The following CELF4 variants were observed in gnomAD, a reference collection of about 807,000 sequenced individuals.
The protein encoded by CELF4 is CUG-BP- and ETR-3-like factor 4.
CELF4 carries 18 observed loss-of-function variants against 59.9 expected under a neutral mutation model. The observed-to-expected ratio is 0.30, with a 90% confidence interval of 0.21 to 0.45. The LOEUF is 0.45. Among genes scored for constraint, CELF4 ranks in the 20% least tolerant of loss-of-function variants. The probability of loss-of-function intolerance (pLI) is 1.00; values close to 1 mark genes in which losing one functional copy is unlikely to be tolerated. For missense variants in CELF4, 456 were observed against 689.0 expected, an observed-to-expected ratio of 0.66 and a Z score of 3.79; for synonymous variants, 261 against 267.1, an observed-to-expected ratio of 0.98 and a Z score of 0.22.
intron 2 of CELF4, among the ~76,000 whole-genome samples, chr18:37,345,971 T>C (rs886136284): frequency 5.9e-5 from 9 of 151,970 alleles, no homozygotes; most frequent in Non-Finnish European, 1.5e-5. Flanking sequence ...TTTCCTGGAG[T>C]GGCAGCTGGG....
At chr18:37,364,789 C>T (rs2098754322) in intron 2 of CELF4, among the ~76,000 whole-genome samples, 1 of 152,144 alleles carries the variant, frequency 6.6e-6, no homozygotes, top group Non-Finnish European at 1.5e-5. Flanking sequence ...GATTTCTATG[C>T]AGTTCAGTGA....
chr18:37,554,215 G>A (rs1171604735), intron 1 of CELF4, among the ~76,000 whole-genome samples: 1 of 152,198 alleles, frequency 6.6e-6, no homozygotes, highest in Non-Finnish European at 1.5e-5. Flanking sequence ...AGCCTCGGGG[G>A]CTGGGGCTCT....
chr18:37,509,361 A>ATG (rs1427970047), intron 1 of CELF4, among the ~76,000 whole-genome samples: 2 of 152,356 alleles, frequency 1.3e-5, no homozygotes, highest in Admixed American at 6.5e-5. Context: ...TGGGAAAGCC[A>ATG]TGTGTGTGTG....
At chr18:37,546,166 C>G (rs891873388) in intron 1 of CELF4, among the ~76,000 whole-genome samples, 1 of 152,174 alleles carries the variant, frequency 6.6e-6, no homozygotes, top group African/African-American at 2.4e-5. Context: ...AAACTGTAGT[C>G]ATAGACGTAC....
intron 2 of CELF4, among the ~76,000 whole-genome samples, chr18:37,413,499 GAC>G (rs2099493605): frequency 1.3e-5 from 2 of 152,166 alleles, no homozygotes; most frequent in Non-Finnish European, 2.9e-5. Context: ...CAGGAAATGA[GAC>G]AATTTTTGTT....
chr18:37,512,072 G>A (rs1364386053), intron 1 of CELF4, among the ~76,000 whole-genome samples: 1 of 152,206 alleles, frequency 6.6e-6, no homozygotes, highest in East Asian at 1.9e-4. Flanking sequence ...TGGCAACAAA[G>A]CAGCAGTCTG....
rs561394311 is a variant in CELF4 at position 37,500,725 on chromosome 18, G to A, written c.287-15118C>T. Among the ~76,000 whole-genome samples the A allele has an allele frequency of 6.5e-4, 98 of 151,918 alleles. 1 individual carries two copies. Among genetic ancestry groups the A allele is most frequent in the Admixed American group, 2.6e-3 (40 of 15,246 alleles). ...ATTTTTTTGTATTTTTAGTAGAGACGGGGTTTCACTGTGTTAGCCAGGATG... is the reference window on the plus strand; with the variant it reads ...ATTTTTTTGTATTTTTAGTAGAGACAGGGTTTCACTGTGTTAGCCAGGATG... On this transcript the variant is annotated intron_variant, in intron 1 of 12. Transcript: ENST00000420428.
intron 1 of CELF4, among the ~76,000 whole-genome samples, chr18:37,515,936 A>C (rs2099950191): frequency 6.6e-6 from 1 of 152,104 alleles, no homozygotes; most frequent in South Asian, 2.1e-4. Context: ...TGCCTTCTTC[A>C]TTGTAGCATC....
chr18:37,331,525 G>C (rs2097542447), intron 2 of CELF4, among the ~76,000 whole-genome samples: 1 of 152,146 alleles, frequency 6.6e-6, no homozygotes, highest in Non-Finnish European at 1.5e-5. Flanking sequence ...TGCTGGCTTT[G>C]AGTCAGGGTG....
chr18:37,262,522 G>T (rs1042615206), intron 10 of CELF4, among the ~76,000 whole-genome samples: 4 of 152,090 alleles, frequency 2.6e-5, no homozygotes, highest in African/African-American at 9.7e-5. Flanking sequence ...GGGCCCATGG[G>T]GGCCTCAGTT....
intron 2 of CELF4, among the ~76,000 whole-genome samples, chr18:37,412,578 ATGGT>A: frequency 6.8e-6 from 1 of 147,114 alleles, no homozygotes; most frequent in Non-Finnish European, 1.5e-5. Context: ...GAATGGGTGA[ATGGT>A]TGAGTGGACG....
chr18:37,489,033 ACT>A (rs1189198016), intron 1 of CELF4, among the ~76,000 whole-genome samples: 1 of 152,188 alleles, frequency 6.6e-6, no homozygotes, highest in Non-Finnish European at 1.5e-5. Context: ...ATATCAGTTC[ACT>A]GTTGTGAAGC....
At chr18:37,369,273 G>C (rs1324049827) in intron 2 of CELF4, among the ~76,000 whole-genome samples, 1 of 152,108 alleles carries the variant, frequency 6.6e-6, no homozygotes, top group African/African-American at 2.4e-5. Flanking sequence ...GGGAGGCTGG[G>C]CTCTCTCTCA....
intron 1 of CELF4, among the ~76,000 whole-genome samples, chr18:37,504,817 C>T (rs752528427): frequency 3.9e-5 from 6 of 152,176 alleles, no homozygotes; most frequent in Admixed American, 6.5e-5. Context: ...GAGGTCAGAG[C>T]GCTACCTGGA....
intron 2 of CELF4, among the ~76,000 whole-genome samples, chr18:37,408,729 C>T (rs1463100359): frequency 1.3e-5 from 2 of 152,176 alleles, no homozygotes; most frequent in Non-Finnish European, 2.9e-5. Context: ...AGTCTGGATT[C>T]AGGCTGGGGA....
intron 2 of CELF4, among the ~76,000 whole-genome samples, chr18:37,342,507 G>T (rs991092488): frequency 1.3e-5 from 2 of 152,146 alleles, no homozygotes; most frequent in African/African-American, 2.4e-5. Context: ...GCAGTGGAGG[G>T]CAGGAGTGAG....
At chr18:37,365,964 G>A (rs1320774637) in intron 2 of CELF4, among the ~76,000 whole-genome samples, 1 of 152,204 alleles carries the variant, frequency 6.6e-6, no homozygotes, top group African/African-American at 2.4e-5. Context: ...GACCCTTTGT[G>A]TGAACATGAC....
chr18:37,443,513 T>C (rs1279131647), intron 2 of CELF4, among the ~76,000 whole-genome samples: 1 of 152,152 alleles, frequency 6.6e-6, no homozygotes, highest in East Asian at 1.9e-4. Flanking sequence ...CGAAGTGTTT[T>C]GGCAGAGGGG....
chr18:37,276,946 G>A (rs1219800498), intron 3 of CELF4, among the ~76,000 whole-genome samples: 2 of 152,198 alleles, frequency 1.3e-5, no homozygotes, highest in African/African-American at 2.4e-5. Context: ...GGCACTCAGG[G>A]ACCCTGTGTC....
Sources: gnomAD v4.1 joint callset for allele counts (sites outside exome capture counted in the v4.1 genomes callset) on GRCh38, gnomAD v4.1.1 for gene constraint, MANE v1.5 for transcripts, NCBI Gene and HGNC (gene_info 2026-07-23, HGNC 2026-07-21) for gene names.